The following BMPR1B variants were observed in gnomAD, a reference collection of about 807,000 sequenced individuals.
The protein encoded by BMPR1B is bone morphogenetic protein receptor type-1B.
Under a neutral mutation model 59.1 loss-of-function variants are expected in BMPR1B, and 12 were observed. The ratio of observed to expected loss-of-function variants is 0.20; its 90% confidence interval spans 0.13 to 0.33. The LOEUF (loss-of-function observed/expected upper bound fraction) is 0.33. BMPR1B is among the 10% of genes least tolerant of loss of function. The pLI, the probability that BMPR1B is intolerant of heterozygous loss-of-function variation, is 1.00. For missense variants in BMPR1B, 550 were observed against 610.9 expected (o/e 0.90, Z 1.05); for synonymous variants, 237 against 207.3 (o/e 1.14, Z -1.23).
intron 1 of BMPR1B, among the ~76,000 whole-genome samples, chr4:94,864,750 A>G (rs72887855): frequency 0.038 from 5,746 of 152,248 alleles, 355 homozygotes; most frequent in African/African-American, 0.13. Context: ...TAGTTATACT[A>G]TATTGCTTAG....
At chr4:95,019,251 T>C (rs144573916) in intron 3 of BMPR1B, among the ~76,000 whole-genome samples, 274 of 152,256 alleles carry the variant, frequency 1.8e-3, no homozygotes, top group African/African-American at 6.2e-3. Flanking sequence ...AGCGTCCTCA[T>C]TTTTGGAGTG....
At chr4:94,874,080 T>C (rs1726616556) in intron 1 of BMPR1B, among the ~76,000 whole-genome samples, 1 of 152,224 alleles carries the variant, frequency 6.6e-6, no homozygotes, top group Non-Finnish European at 1.5e-5. Context: ...GGTTCATCCA[T>C]CTTGTAGCAT....
Position 95,053,322 on chromosome 4 carries a change from T to TGTGTGTGA in BMPR1B, c.-17-51085_-17-51084insTGTGTGAG, listed in dbSNP as rs1190178382. On this transcript the variant is annotated intron_variant, in intron 3 of 12. Transcript: ENST00000515059. ...GTGTGTGTGTGTGTGTGTGTGTGTG[T>TGTGTGTGA]GATGTGCCTGTACTTAATTTATCTT... Among the ~76,000 whole-genome samples the TGTGTGTGA allele has an allele frequency of 2.1e-5, 3 of 145,718 alleles. No individual in the cohort carries two copies. The Admixed American group carries it at 2.1e-4, about 10-fold the overall frequency.
At chr4:95,135,237 C>T (rs1450492113) in intron 10 of BMPR1B, among the ~76,000 whole-genome samples, 1 of 152,080 alleles carries the variant, frequency 6.6e-6, no homozygotes, top group Admixed American at 6.6e-5. Context: ...GTTTTGGTAC[C>T]AGTACCATGC....
intron 3 of BMPR1B, among the ~76,000 whole-genome samples, chr4:95,039,334 G>T (rs543592197): frequency 1.3e-5 from 2 of 151,722 alleles, no homozygotes; most frequent in Admixed American, 1.3e-4. Context: ...TAAAGTTTAG[G>T]TTTCACTAAA....
intron 2 of BMPR1B, among the ~76,000 whole-genome samples, chr4:94,972,239 A>G (rs1730821911): frequency 6.6e-6 from 1 of 151,850 alleles, no homozygotes; most frequent in Non-Finnish European, 1.5e-5. Flanking sequence ...CTTAAAATAT[A>G]TAATTTGTGT....
rs70946580 is a variant in BMPR1B, at chr4:95,026,098, ATTTC to A, written c.-18+30026_-18+30029del. 7.1e-3 allele frequency among the ~76,000 whole-genome samples: 724 copies of A among 101,680 alleles called. 7 individuals are homozygous for A. Among genetic ancestry groups the A allele is most frequent in the African/African-American group, 0.016 (439 of 27,524 alleles). The allele number at this position is 101,680 out of a possible 152,430, so 66.7% of individuals were successfully genotyped here. A position where few individuals can be genotyped will look rare whatever the true frequency, so the allele number is the denominator to read the frequency against. ...TTGGCTGGCTGGATTGCTTTCTTTC[ATTTC>A]TTTCTTTCTTTCTTTCTTTCTTTCT... On this transcript the variant is annotated intron_variant, in intron 3 of 12. Coordinates refer to ENST00000515059, the MANE Select transcript of BMPR1B (RefSeq NM_001203.3).
At chr4:95,025,141 T>G (rs2149142880) in intron 3 of BMPR1B, among the ~76,000 whole-genome samples, 1 of 151,910 alleles carries the variant, frequency 6.6e-6, no homozygotes, top group East Asian at 1.9e-4. Flanking sequence ...TGGAAGGAAA[T>G]TAGTTTTGGG....
At chr4:95,051,164 A>G (rs1247834961) in intron 3 of BMPR1B, among the ~76,000 whole-genome samples, 21 of 152,232 alleles carry the variant, frequency 1.4e-4, no homozygotes, top group Non-Finnish European at 7.3e-5. Context: ...TGAGTAAACT[A>G]CTGTAACACA....
At chr4:94,796,357 G>A (rs1723194805) in intron 1 of BMPR1B, among the ~76,000 whole-genome samples, 1 of 152,138 alleles carries the variant, frequency 6.6e-6, no homozygotes, top group Non-Finnish European at 1.5e-5. Flanking sequence ...TGTGGGTTTA[G>A]CTCCATCTAT....
intron 1 of BMPR1B, among the ~76,000 whole-genome samples, chr4:94,859,881 T>C (rs1725910565): frequency 6.6e-6 from 1 of 151,216 alleles, no homozygotes; most frequent in African/African-American, 2.4e-5. Context: ...AAGTAAAATA[T>C]TTACATTTTA....
rs902591015 is a variant in BMPR1B, at chr4:95,031,148, G to C, written c.-18+35014G>C. 3.3e-5 allele frequency among the ~76,000 whole-genome samples: 5 copies of C among 152,182 alleles called. No individual in the cohort carries two copies. In the East Asian group the frequency reaches 5.8e-4, roughly 18 times the overall value. The stretch of plus-strand genomic sequence containing the variant: ...CTACAAGGCTACAGTAACCAAAACA[G>C]CATGGTACTGGTACCAAAACAGAGA... On this transcript the variant is annotated intron_variant, in intron 3 of 12. Transcript: ENST00000515059.
intron 1 of BMPR1B, among the ~76,000 whole-genome samples, chr4:94,843,310 T>C (rs967532751): frequency 7.9e-5 from 12 of 152,240 alleles, no homozygotes; most frequent in African/African-American, 2.9e-4. Flanking sequence ...GTGGTGATAC[T>C]GTTCATAGAT....
intron 10 of BMPR1B, among the ~76,000 whole-genome samples, chr4:95,142,058 A>G (rs1348408215): frequency 1.3e-5 from 2 of 152,222 alleles, no homozygotes; most frequent in African/African-American, 4.8e-5. Context: ...GGTTTCTGCA[A>G]CCATACCCAC....
chr4:94,868,018 AT>A (rs66760751), intron 1 of BMPR1B, among the ~76,000 whole-genome samples: 50,573 of 141,216 alleles, frequency 0.36, 8,750 homozygotes, highest in Non-Finnish European at 0.4. Context: ...TGCCCCGCTA[AT>A]TTTTTTTTTT....
At chr4:95,029,212 G>A (rs1489053910) in intron 3 of BMPR1B, among the ~76,000 whole-genome samples, 1 of 151,104 alleles carries the variant, frequency 6.6e-6, no homozygotes, top group East Asian at 1.9e-4. Flanking sequence ...TCGTCATTTA[G>A]CATTAGGTAT....
chr4:94,951,285 C>A (rs913054296), intron 2 of BMPR1B, among the ~76,000 whole-genome samples: 1 of 152,082 alleles, frequency 6.6e-6, no homozygotes, highest in African/African-American at 2.4e-5. Context: ...GCCTGATTGC[C>A]CTGGCCAGAA....
intron 1 of BMPR1B, among the ~76,000 whole-genome samples, chr4:94,844,143 A>G (rs1725218154): frequency 1.3e-5 from 2 of 152,146 alleles, no homozygotes; most frequent in South Asian, 2.1e-4. Context: ...AAATTTGCTA[A>G]AAGAATTGAT....
intron 2 of BMPR1B, among the ~76,000 whole-genome samples, chr4:94,896,421 G>C (rs1727588408): frequency 6.6e-6 from 1 of 151,902 alleles, no homozygotes; most frequent in African/African-American, 2.4e-5. Context: ...TGAGTTTGCT[G>C]AATTAAATCT....
Sources: gnomAD v4.1 joint callset for allele counts (sites outside exome capture counted in the v4.1 genomes callset) on GRCh38, gnomAD v4.1.1 for gene constraint, MANE v1.5 for transcripts, NCBI Gene and HGNC (gene_info 2026-07-23, HGNC 2026-07-21) for gene names.